Variants in SLC23A2 observed in about 807,000 individuals in gnomAD.
SLC23A2 encodes solute carrier family 23 member 2.
SLC23A2 carries 36 observed loss-of-function variants against 73.3 expected under a neutral mutation model. That is an observed-to-expected ratio of 0.49 (90% CI 0.38 to 0.65). The LOEUF (loss-of-function observed/expected upper bound fraction) is 0.65, where lower values mean the gene tolerates loss of function less well. SLC23A2 is among the 30% of genes least tolerant of loss of function. The pLI is 0.00. For missense variants in SLC23A2, 507 were observed against 841.6 expected (o/e 0.60, Z 4.92); for synonymous variants, 343 against 327.3 (o/e 1.05, Z -0.52).
At chr20:4,895,315 C>T (rs1377094927) in intron 6 of SLC23A2, among the ~76,000 whole-genome samples, 1 of 152,202 alleles carries the variant, frequency 6.6e-6, no homozygotes, top group Non-Finnish European at 1.5e-5. Flanking sequence ...GCACGCCCGG[C>T]TGCATCTGCC....
intron 2 of SLC23A2, among the ~76,000 whole-genome samples, chr20:4,949,201 T>C (rs1600163018): frequency 6.7e-6 from 1 of 148,558 alleles, no homozygotes; most frequent in Non-Finnish European, 1.5e-5. Flanking sequence ...GGCGGGAGAG[T>C]TGCTTGAACC....
intron 4 of SLC23A2, among the ~76,000 whole-genome samples, chr20:4,911,317 T>C (rs543625074): frequency 6.6e-6 from 1 of 152,190 alleles, no homozygotes; most frequent in Non-Finnish European, 1.5e-5. Flanking sequence ...TTATAATAGC[T>C]CCAAGCAGCA....
rs774385483 is a variant in SLC23A2 at position 4,899,649 on chromosome 20, C to A, written c.388G>T (p.Val130Leu). The stretch of plus-strand genomic sequence containing the variant: ...CTGGTGGCCCACTGGTCGTACCCCA[C>A]ACACATGGCATCGGCCAACAGGAAG... The part of the protein sequence containing the change: ...VPFLLADAMC[V>L]GYDQWATSQL... Residue 130 changes from valine to leucine, a missense_variant, in exon 6 of 17, where the codon GTG (valine) becomes TTG (leucine). Val to Leu is a conservative substitution (Grantham distance 32). Around this residue, in one of 5 missense-constraint regions of SLC23A2, gnomAD observed 217 missense variants for 398.0 expected, o/e 0.55. Coordinates refer to ENST00000338244, the MANE Select transcript of SLC23A2 (RefSeq NM_005116.6). This position sits in a 1 kb window ranked among gnomAD's most constrained non-coding sequence, Gnocchi z 4.9. The A allele has an allele frequency of 3.7e-6, 6 of 1,614,178 alleles. No individual in the cohort carries two copies. The highest frequency in any genetic ancestry group is 5.1e-6 in the Non-Finnish European group (6 of 1,180,020).
chr20:4,878,053 T>G (rs575085175), intron 9 of SLC23A2, among the ~76,000 whole-genome samples: 6 of 152,342 alleles, frequency 3.9e-5, no homozygotes, highest in African/African-American at 1.4e-4. Context: ...GTGTAGTCCC[T>G]TTTTTGCCAA....
chr20:4,931,562 G>A (rs1181358787), intron 3 of SLC23A2, among the ~76,000 whole-genome samples: 3 of 152,052 alleles, frequency 2.0e-5, no homozygotes, highest in African/African-American at 7.2e-5. Context: ...TTCAAGACCA[G>A]ACTACGCAAC....
At chr20:4,921,929 C>T (rs1024750514) in intron 3 of SLC23A2, among the ~76,000 whole-genome samples, 1 of 152,140 alleles carries the variant, frequency 6.6e-6, no homozygotes, top group Non-Finnish European at 1.5e-5. Flanking sequence ...TGCTTAAAAA[C>T]ATCCATTTTA....
Position 4,906,257 on chromosome 20 carries a change from T to C in SLC23A2, c.208-3699A>G, listed in dbSNP as rs986762920. Among the ~76,000 whole-genome samples, 15 of 152,214 alleles carry C rather than the reference T, an allele frequency of 9.9e-5. No homozygotes were observed. In the South Asian group the frequency reaches 2.1e-3, roughly 21 times the overall value. ...AGGAGTCTGAGGTAGGAGCATCACT[T>C]GAGCCTGAGAGGTTGCGGCTGCAGT... On this transcript the variant is annotated intron_variant, in intron 4 of 16. Coordinates refer to ENST00000338244, the MANE Select transcript of SLC23A2 (RefSeq NM_005116.6).
chr20:4,961,060 CTGTCCTCA>C (rs1389762841), intron 2 of SLC23A2, among the ~76,000 whole-genome samples: 1 of 151,302 alleles, frequency 6.6e-6, no homozygotes, highest in Non-Finnish European at 1.5e-5. Context: ...CCTGCCTGGC[CTGTCCTCA>C]TGCACATTCT....
intron 2 of SLC23A2, among the ~76,000 whole-genome samples, chr20:4,963,316 T>C (rs537492292): frequency 1.1e-3 from 174 of 152,190 alleles, no homozygotes; most frequent in Non-Finnish European, 1.7e-3. Flanking sequence ...AGTTCCTAAA[T>C]TGTGATCAGC....
intron 13 of SLC23A2, 145 bp downstream of exon 13, chr20:4,867,625 T>TA (rs11476144): frequency 0.046 from 13,422 of 293,858 alleles, 8 homozygotes; most frequent in South Asian, 0.057. Context: ...TATAAACACT[T>TA]AAAAAAAAAA....
intron 2 of SLC23A2, among the ~76,000 whole-genome samples, chr20:4,962,634 C>T (rs902880375): frequency 6.6e-6 from 1 of 152,148 alleles, no homozygotes; most frequent in Non-Finnish European, 1.5e-5. Context: ...AGAGATGATG[C>T]TAGAAGACAC....
At position 4,870,072 on chromosome 20, in the gene SLC23A2, C is replaced by G. The variant is rs759843107; in HGVS notation, c.1103-19G>C. ...CACTGAACTGTGGGAGGAAAACAAC[C>G]ATGAATGCTCCTAGAGAGGCAGGCG... On this transcript the variant is annotated intron_variant, in intron 11 of 16. Transcript: ENST00000338244. The G allele has an allele frequency of 6.3e-7, 1 of 1,580,136 alleles. No homozygotes were observed. Among genetic ancestry groups the G allele is most frequent in the Non-Finnish European group, 8.6e-7 (1 of 1,162,126 alleles).
chr20:4,930,447 GCTCT>G lies in SLC23A2; in HGVS notation c.108+2004_108+2007del, dbSNP rs369011988. ...TGCCAGTTGTAAAATTAGTTAAACA[GCTCT>G]CTGAGAATTAATACAATTTAAAAAA... is the stretch of plus-strand genomic sequence containing the variant. On this transcript the variant is annotated intron_variant, in intron 3 of 16. Transcript: ENST00000338244. Among the ~76,000 whole-genome samples the G allele has an allele frequency of 1.6e-3, 240 of 152,314 alleles. 2 individuals are homozygous for G. The highest frequency in any genetic ancestry group is 5.5e-3 in the African/African-American group (227 of 41,560).
At chr20:4,964,049 G>A (rs962054131) in intron 2 of SLC23A2, among the ~76,000 whole-genome samples, 3 of 149,424 alleles carry the variant, frequency 2.0e-5, no homozygotes, top group East Asian at 3.9e-4. Flanking sequence ...CTCTGTCGCC[G>A]AAGCTGGAGT....
chr20:4,975,208 G>T (rs746251624), intron 1 of SLC23A2, among the ~76,000 whole-genome samples: 1 of 152,078 alleles, frequency 6.6e-6, no homozygotes, highest in Non-Finnish European at 1.5e-5. Flanking sequence ...AGCCTTCCTC[G>T]TAAGAAATGG....
Position 4,862,128 on chromosome 20 carries a change from A to G in SLC23A2, c.1487-43T>C. Reference sequence around the variant, plus strand: ...AGACCACAAGCTCCAGCACCACTACAGCGGGGACAGCTCAAGGCAGGTGAG... The same window carrying G: ...AGACCACAAGCTCCAGCACCACTACGGCGGGGACAGCTCAAGGCAGGTGAG... On this transcript the variant is annotated intron_variant, in intron 14 of 16. Coordinates refer to ENST00000338244, the MANE Select transcript of SLC23A2 (RefSeq NM_005116.6). This position sits in a 1 kb window ranked among gnomAD's most constrained non-coding sequence, Gnocchi z 5.1. The G allele has an allele frequency of 6.2e-7, 1 of 1,607,430 alleles. No individual in the cohort carries two copies. The highest frequency in any genetic ancestry group is 8.5e-7 in the Non-Finnish European group (1 of 1,176,016).
intron 1 of SLC23A2, among the ~76,000 whole-genome samples, chr20:4,971,644 C>T (rs1398988972): frequency 2.7e-5 from 4 of 150,146 alleles, no homozygotes; most frequent in Non-Finnish European, 5.9e-5. Flanking sequence ...AAAATTATCT[C>T]GTCGTGGTGG....
chr20:4,901,346 G>A (rs185680852), intron 5 of SLC23A2, among the ~76,000 whole-genome samples: 38 of 152,154 alleles, frequency 2.5e-4, no homozygotes, highest in Non-Finnish European at 4.6e-4. Flanking sequence ...GGATTTTCTC[G>A]GCACCTGAGA....
At chr20:4,867,045 C>G (rs1345048624) in intron 13 of SLC23A2, among the ~76,000 whole-genome samples, 7 of 107,450 alleles carry the variant, frequency 6.5e-5, no homozygotes, top group Non-Finnish European at 1.1e-4. Context: ...TCACTGCAGT[C>G]AAAGCGATCC....
Sources: gnomAD v4.1 joint callset for allele counts (sites outside exome capture counted in the v4.1 genomes callset) on GRCh38, gnomAD v4.1.1 for gene constraint, gnomAD v4.1.1 regional missense constraint, Gnocchi (gnomAD v3.1) non-coding constraint, MANE v1.5 for transcripts, NCBI Gene and HGNC (gene_info 2026-07-23, HGNC 2026-07-21) for gene names.